ARHGEF1: variants seen among roughly 807,000 people sequenced by gnomAD.
The protein encoded by ARHGEF1 is Rho guanine nucleotide exchange factor 1, also known as 115 kDa guanine nucleotide exchange factor.
ARHGEF1 carries 40 observed loss-of-function variants against 119.7 expected under a neutral mutation model. That is an observed-to-expected ratio of 0.33 (90% CI 0.26 to 0.44). The LOEUF is 0.44. Among genes scored for constraint, ARHGEF1 ranks in the 20% least tolerant of loss-of-function variants. The pLI, the probability that ARHGEF1 is intolerant of heterozygous loss-of-function variation, is 1.00. For missense variants in ARHGEF1, 976 were observed against 1,268.3 expected (o/e 0.77, Z 3.50); for synonymous variants, 494 against 521.0 (o/e 0.95, Z 0.71).
At position 41,906,788 on chromosome 19, in the gene ARHGEF1, G is replaced by T. The variant is rs782526874; in HGVS notation, c.*2G>T. On this transcript the variant is annotated 3_prime_UTR_variant, in exon 28 of 29. Transcript: ENST00000354532. This position sits in a 1 kb window ranked among gnomAD's most constrained non-coding sequence, Gnocchi z 4.5. The stretch of plus-strand genomic sequence containing the variant: ...GTCCCCCAGCCTGGCTGCACTTGAG[G>T]TTCCCGCCCAGGAAGGTGAGTGGGG... 6.2e-6 allele frequency: 10 copies of T among 1,609,644 alleles called. No individual in the cohort carries two copies. The highest frequency in any genetic ancestry group is 3.4e-5 in the Admixed American group (2 of 59,224).
At position 41,905,923 on chromosome 19, in the gene ARHGEF1, C is replaced by T. The variant is rs201964344; in HGVS notation, c.2405-16C>T. 8.1e-4 allele frequency: 1,315 copies of T among 1,614,110 alleles called. 2 individuals are homozygous for T. Among genetic ancestry groups the T allele is most frequent in the Non-Finnish European group, 1.0e-3 (1,184 of 1,179,956 alleles). On this transcript the variant is annotated splice_polypyrimidine_tract_variant and intron_variant, in intron 25 of 28. Coordinates refer to ENST00000354532, the MANE Select transcript of ARHGEF1 (RefSeq NM_004706.4). This position sits in a 1 kb window ranked among gnomAD's most constrained non-coding sequence, Gnocchi z 6.4. The stretch of plus-strand genomic sequence containing the variant: ...GCCCGGCAGGATCTGAGCTCCCTCT[C>T]TGTTCCCCAATCCAGCCCGGACCGA...
In ARHGEF1 at chr19:41,903,619, G is replaced by A. The variant is rs1006727099; in HGVS notation, c.1840-88G>A. The A allele has an allele frequency of 1.6e-4, 233 of 1,432,628 alleles. No homozygotes were observed. Among genetic ancestry groups the A allele is most frequent in the Non-Finnish European group, 2.2e-4 (223 of 1,032,880 alleles). The allele number at this position is 1,432,628 out of a possible 1,614,324, so 88.7% of individuals were successfully genotyped here. On this transcript the variant is annotated intron_variant, in intron 19 of 28. Coordinates refer to ENST00000354532, the MANE Select transcript of ARHGEF1 (RefSeq NM_004706.4). This position sits in a 1 kb window ranked among gnomAD's most constrained non-coding sequence, Gnocchi z 4.2. ...CTCAGCTTGCCCGCATCAGAAGTTG[G>A]TCTTGGCTCTCATCTTACCAATGTG...
chr19:41,902,935 T>G lies in ARHGEF1; in HGVS notation c.1738+37T>G. ...CTGGATCTCTGGGCCTCGGCTCTCC[T>G]CTTTTTTTTTTACATTTTTTTTCTC... On this transcript the variant is annotated intron_variant, in intron 18 of 28. Coordinates refer to ENST00000354532, the MANE Select transcript of ARHGEF1 (RefSeq NM_004706.4). This position sits in a 1 kb window ranked among gnomAD's most constrained non-coding sequence, Gnocchi z 6.5. 6.0e-6 allele frequency: 9 copies of G among 1,488,442 alleles called. No individual in the cohort carries two copies. Among genetic ancestry groups the G allele is most frequent in the Non-Finnish European group, 8.2e-6 (9 of 1,102,434 alleles). 92.2% of individuals were successfully genotyped at this position (1,488,442 alleles called of 1,614,324 possible). A position where few individuals can be genotyped will look rare whatever the true frequency, so the allele number is the denominator to read the frequency against.
chr19:41,912,560 C>A (rs1555851356), intron 18 of ARHGEF1, among the ~76,000 whole-genome samples: 1 of 152,210 alleles, frequency 6.6e-6, no homozygotes, highest in African/African-American at 2.4e-5. Context: ...CTGAGACGTG[C>A]GTGGCAGGGA....
rs1599665863 is a variant in ARHGEF1 at position 41,905,876 on chromosome 19, T to G, written c.2404+49T>G. 1 of 1,613,412 alleles carries G rather than the reference T, an allele frequency of 6.2e-7. No individual in the cohort carries two copies. The highest frequency in any genetic ancestry group is 8.5e-7 in the Non-Finnish European group (1 of 1,179,476). Reference sequence around the variant, plus strand: ...GAGGGGCCAGGTTGGGGCTGCCGGGTGAAGAGAGGCATCCACAGGAGGCCC... The same window carrying G: ...GAGGGGCCAGGTTGGGGCTGCCGGGGGAAGAGAGGCATCCACAGGAGGCCC... On this transcript the variant is annotated intron_variant, in intron 25 of 28. Coordinates refer to ENST00000354532, the MANE Select transcript of ARHGEF1 (RefSeq NM_004706.4). This position sits in a 1 kb window ranked among gnomAD's most constrained non-coding sequence, Gnocchi z 6.4.
intron 14 of ARHGEF1, among the ~76,000 whole-genome samples, chr19:41,900,673 G>A (rs1427200750): frequency 6.6e-6 from 1 of 151,862 alleles, no homozygotes; most frequent in Non-Finnish European, 1.5e-5. Flanking sequence ...ATTTGCTCAG[G>A]ATATTCACAG....
Position 41,898,535 on chromosome 19 carries a change from C to T in ARHGEF1, c.1215C>T (p.Asp405=), listed in dbSNP as rs548655374. 15 of 1,569,930 alleles carry T rather than the reference C, an allele frequency of 9.6e-6. No individual in the cohort carries two copies. The South Asian group carries it at 1.8e-4, about 18-fold the overall frequency. Reference sequence around the variant, plus strand: ...GCTGGCGGGAACTCGTCCCCCCAGACACCCTGCACAGCCTGCCCAAGAGCC... The same window carrying T: ...GCTGGCGGGAACTCGTCCCCCCAGATACCCTGCACAGCCTGCCCAAGAGCC... ...PPGWRELVPP[D]TLHSLPKSQV... Residue 405 remains aspartate (D), a synonymous_variant, in exon 14 of 29, where the codon GAC becomes GAT. Coordinates refer to ENST00000354532, the MANE Select transcript of ARHGEF1 (RefSeq NM_004706.4).
chr19:41,911,158 C>T (rs2145882863), downstream of ARHGEF1, among the ~76,000 whole-genome samples: 1 of 152,294 alleles, frequency 6.6e-6, no homozygotes, highest in Middle Eastern at 3.4e-3. Flanking sequence ...CCCCGGCTCA[C>T]TCAGCATCAC....
At chr19:41,885,366 G>A (rs781845990) in intron 1 of ARHGEF1, among the ~76,000 whole-genome samples, 2 of 152,250 alleles carry the variant, frequency 1.3e-5, no homozygotes, top group African/African-American at 2.4e-5. Context: ...GACATGATGT[G>A]TCTCAGAGCT....
chr19:41,893,851 AAGGGGCTG>A (rs2074424771), intron 8 of ARHGEF1, among the ~76,000 whole-genome samples: 1 of 48,116 alleles, frequency 2.1e-5, no homozygotes, highest in African/African-American at 1.7e-4. Flanking sequence ...CTGAGGGAGG[AAGGGGCTG>A]GGGGCCTGGA....
chr19:41,903,569 G>C lies in ARHGEF1; in HGVS notation c.1840-138G>C. The C allele has an allele frequency of 8.1e-6, 9 of 1,116,942 alleles. No homozygotes were observed. Among genetic ancestry groups the C allele is most frequent in the Non-Finnish European group, 1.2e-5 (9 of 766,686 alleles). The allele number at this position is 1,116,942 out of a possible 1,614,324, so 69.2% of individuals were successfully genotyped here. A position where few individuals can be genotyped will look rare whatever the true frequency, so the allele number is the denominator to read the frequency against. On this transcript the variant is annotated intron_variant, in intron 19 of 28. Coordinates refer to ENST00000354532, the MANE Select transcript of ARHGEF1 (RefSeq NM_004706.4). This position sits in a 1 kb window ranked among gnomAD's most constrained non-coding sequence, Gnocchi z 4.2. ...CTTGGCCCTCAGCATCTCCCTCTCA[G>C]GGTCATTGGAGGTCAGGCCCAACCC...
At chr19:41,897,651 TCTGA>T in intron 13 of ARHGEF1, 1 of 110,186 alleles carries the variant, frequency 9.1e-6, no homozygotes, top group East Asian at 3.3e-4. Flanking sequence ...CCACCACTCC[TCTGA>T]CTCTCTCCTC....
upstream of ARHGEF1, among the ~76,000 whole-genome samples, chr19:41,919,840 A>G (rs1311468782): frequency 6.6e-6 from 1 of 152,126 alleles, no homozygotes; most frequent in African/African-American, 2.4e-5. Flanking sequence ...CACCATGTGA[A>G]AACACCAGAC....
At chr19:41,921,797 C>T (rs1363703219), upstream of ARHGEF1, among the ~76,000 whole-genome samples, 2 of 151,964 alleles carry the variant, frequency 1.3e-5, no homozygotes, top group Non-Finnish European at 2.9e-5. This position sits in a 1 kb window ranked among gnomAD's most constrained non-coding sequence, Gnocchi z 4.4. Context: ...TCGTCCTCCG[C>T]CCCACCTCGC....
Position 41,905,471 on chromosome 19 carries a change from T to C in ARHGEF1, c.2336+210T>C, listed in dbSNP as rs1471437801. ...ATGCATGTGTGCGTGTGCATGTGTG[T>C]GCGTGTATGGTGTGTGTGTATGCAT... On this transcript the variant is annotated intron_variant, in intron 24 of 28. Transcript: ENST00000354532. This position sits in a 1 kb window ranked among gnomAD's most constrained non-coding sequence, Gnocchi z 6.4. 1.1e-5 allele frequency: 7 copies of C among 615,174 alleles called. No individual in the cohort carries two copies. The highest frequency in any genetic ancestry group is 5.8e-5 in the Admixed American group (2 of 34,204). The allele number at this position is 615,174 out of a possible 1,614,324, so 38.1% of individuals were successfully genotyped here.
At chr19:41,884,070 T>C (rs1266931564) in intron 1 of ARHGEF1, among the ~76,000 whole-genome samples, 2 of 152,110 alleles carry the variant, frequency 1.3e-5, no homozygotes, top group East Asian at 1.9e-4. Context: ...GTGGGGAGAC[T>C]AATAGGACGG....
chr19:41,890,905 A>G (rs1426534139), intron 4 of ARHGEF1: 3 of 152,340 alleles, frequency 2.0e-5, no homozygotes, highest in Non-Finnish European at 1.5e-5. Context: ...CCTGGGTGAC[A>G]GAGCGAGACT....
chr19:41,906,943 C>T lies in ARHGEF1; in HGVS notation c.*17+140C>T. ...CCACTCCACCTCGTGTTTCTCATCTCTGTGTCTCTGTTTCTGATAATCTGT... is the reference window on the plus strand; with the variant it reads ...CCACTCCACCTCGTGTTTCTCATCTTTGTGTCTCTGTTTCTGATAATCTGT... On this transcript the variant is annotated intron_variant, in intron 28 of 28. Coordinates refer to ENST00000354532, the MANE Select transcript of ARHGEF1 (RefSeq NM_004706.4). This position sits in a 1 kb window ranked among gnomAD's most constrained non-coding sequence, Gnocchi z 4.5. The T allele has an allele frequency of 1.1e-6, 1 of 949,904 alleles. No individual in the cohort carries two copies. The allele number at this position is 949,904 out of a possible 1,614,324, so 58.8% of individuals were successfully genotyped here.
At chr19:41,912,890 G>A (rs2074762159) in intron 18 of ARHGEF1, 8 of 1,231,644 alleles carry the variant, frequency 6.5e-6, no homozygotes, top group Non-Finnish European at 8.1e-6. Flanking sequence ...GCGGGGCGAA[G>A]AGAAGGTCGG....
Sources: gnomAD v4.1 joint callset for allele counts (sites outside exome capture counted in the v4.1 genomes callset) on GRCh38, gnomAD v4.1.1 for gene constraint, Gnocchi (gnomAD v3.1) non-coding constraint, MANE v1.5 for transcripts, NCBI Gene and HGNC (gene_info 2026-07-23, HGNC 2026-07-21) for gene names.